The following CPXM2 variants were observed in gnomAD, a reference collection of about 807,000 sequenced individuals.
The protein encoded by CPXM2 is inactive carboxypeptidase-like protein X2.
Under a neutral mutation model 86.1 loss-of-function variants are expected in CPXM2, and 66 were observed. That is an observed-to-expected ratio of 0.77 (90% CI 0.63 to 0.94). The LOEUF (loss-of-function observed/expected upper bound fraction) is 0.94. CPXM2 is among the 40% of genes least tolerant of loss of function. The probability of loss-of-function intolerance (pLI) is 0.00; values close to 1 mark genes in which losing one functional copy is unlikely to be tolerated. For missense variants in CPXM2, 948 were observed against 1,026.3 expected, an observed-to-expected ratio of 0.92 and a Z score of 1.04; for synonymous variants, 388 against 400.2, an observed-to-expected ratio of 0.97 and a Z score of 0.36.
At chr10:123,939,086 C>T (rs948895173) in intron 2 of CPXM2, among the ~76,000 whole-genome samples, 1 of 152,126 alleles carries the variant, frequency 6.6e-6, no homozygotes, top group Non-Finnish European at 1.5e-5. Context: ...GACATAAAGC[C>T]ACGAGAAGTG....
At chr10:123,913,966 A>T (rs761863401) in intron 2 of CPXM2, 29 of 473,902 alleles carry the variant, frequency 6.1e-5, no homozygotes, top group Admixed American at 1.3e-4. Flanking sequence ...GATGGACCAG[A>T]GTGAGCACCA....
intron 4 of CPXM2, among the ~76,000 whole-genome samples, chr10:123,819,410 G>A (rs562788306): frequency 2.0e-5 from 3 of 152,344 alleles, no homozygotes; most frequent in Non-Finnish European, 4.4e-5. Context: ...AGGGAATACA[G>A]AATGGGTAAT....
intron 4 of CPXM2, among the ~76,000 whole-genome samples, chr10:123,824,633 A>C (rs1848008505): frequency 6.6e-6 from 1 of 152,202 alleles, no homozygotes; most frequent in South Asian, 2.1e-4. Flanking sequence ...GGCATCCTGG[A>C]AAGATCAGGG....
intron 2 of CPXM2, chr10:123,913,881 C>T (rs562867540): frequency 9.9e-6 from 4 of 405,706 alleles, no homozygotes; most frequent in African/African-American, 6.1e-5. Context: ...GGAGGCACCC[C>T]CCTCCCAGGC....
At chr10:123,880,146 A>ACCCCCCCCC in intron 2 of CPXM2, 65 bp downstream of exon 2, 1 of 240,424 alleles carries the variant, frequency 4.2e-6, no homozygotes. Flanking sequence ...AGGGGCCTGT[A>ACCCCCCCCC]CCCACCCACC....
intron 2 of CPXM2, among the ~76,000 whole-genome samples, chr10:123,908,225 G>A (rs548603059): frequency 6.6e-6 from 1 of 152,168 alleles, no homozygotes; most frequent in South Asian, 2.1e-4. Context: ...GTGGCCGCAG[G>A]TGGGAAGGAG....
At chr10:123,776,248 C>G (rs1350885895) in intron 7 of CPXM2, among the ~76,000 whole-genome samples, 1 of 151,976 alleles carries the variant, frequency 6.6e-6, no homozygotes. Context: ...GAAAAGTCTC[C>G]CTAGGTGGGT....
chr10:123,757,208 T>C lies in CPXM2; in HGVS notation c.1917+5A>G. The C allele has an allele frequency of 6.2e-7, 1 of 1,613,780 alleles. No homozygotes were observed. The highest frequency in any genetic ancestry group is 1.1e-5 in the South Asian group (1 of 91,032). On this transcript the variant is annotated splice_donor_5th_base_variant and intron_variant, in intron 12 of 13. Coordinates refer to ENST00000241305, the MANE Select transcript of CPXM2 (RefSeq NM_198148.3). The stretch of plus-strand genomic sequence containing the variant: ...CCTCATCCCAGCCACACACCCGCAA[T>C]ATACCTGCTCCATGAACACGATCAG...
intron 7 of CPXM2, 124 bp downstream of exon 7, chr10:123,780,043 C>G (rs1564765312): frequency 1.0e-5 from 7 of 684,690 alleles, no homozygotes; most frequent in Non-Finnish European, 1.3e-5. Flanking sequence ...CTTCAGCAAA[C>G]CAAATGATCA....
upstream of CPXM2, among the ~76,000 whole-genome samples, chr10:123,943,209 C>T (rs143592038): frequency 2.6e-5 from 3 of 113,664 alleles, no homozygotes; most frequent in African/African-American, 7.2e-5. Flanking sequence ...TTGAACTGGT[C>T]GTACCATACT....
intron 3 of CPXM2, among the ~76,000 whole-genome samples, chr10:123,857,571 G>A (rs908044149): frequency 1.5e-5 from 2 of 130,496 alleles, no homozygotes; most frequent in East Asian, 2.8e-4. Flanking sequence ...GATGGAAGGC[G>A]GCGTGGAGAT....
chr10:123,925,137 G>A (rs1334608236), intron 2 of CPXM2, among the ~76,000 whole-genome samples: 1 of 152,060 alleles, frequency 6.6e-6, no homozygotes, highest in African/African-American at 2.4e-5. Flanking sequence ...ACAGAGGGGT[G>A]GGAAGGGAGG....
intron 4 of CPXM2, among the ~76,000 whole-genome samples, chr10:123,814,523 T>C (rs1199873781): frequency 6.6e-6 from 1 of 152,142 alleles, no homozygotes; most frequent in African/African-American, 2.4e-5. Flanking sequence ...ATCCTATTAG[T>C]TCTGTCCCTC....
In CPXM2 at chr10:123,904,924, TA is replaced by T. The variant is rs146531265; in HGVS notation, n.175-24616del. ...CGAGCTCTGCATCACACCTGCATCC[TA>T]GTGAGGGATCAGCCTCCTGTGCTCT... is the stretch of plus-strand genomic sequence containing the variant. On this transcript the variant is annotated intron_variant and non_coding_transcript_variant, in intron 2 of 19. Coordinates refer to the CPXM2 transcript ENST00000368854. Among the ~76,000 whole-genome samples the T allele has an allele frequency of 2.3e-3, 299 of 130,236 alleles. 6 individuals are homozygous for T. Among genetic ancestry groups the T allele is most frequent in the South Asian group, 3.3e-3 (12 of 3,658 alleles). The allele number at this position is 130,236 out of a possible 152,430, so 85.4% of individuals were successfully genotyped here.
upstream of CPXM2, among the ~76,000 whole-genome samples, chr10:123,941,513 T>C (rs1393233473): frequency 6.6e-6 from 1 of 152,242 alleles, no homozygotes; most frequent in African/African-American, 2.4e-5. Flanking sequence ...ATTTAACTAA[T>C]TACATCTGTT....
chr10:123,930,678 C>T (rs1945660388), intron 2 of CPXM2, among the ~76,000 whole-genome samples: 1 of 152,244 alleles, frequency 6.6e-6, no homozygotes, highest in South Asian at 2.1e-4. Context: ...CATAACACTC[C>T]TGAGAGCTGC....
At chr10:123,761,066 G>A (rs1846324121) in intron 11 of CPXM2, among the ~76,000 whole-genome samples, 1 of 152,212 alleles carries the variant, frequency 6.6e-6, no homozygotes, top group Non-Finnish European at 1.5e-5. Flanking sequence ...TTAGGGAACA[G>A]CCCTGAGACA....
intron 2 of CPXM2, 58 bp downstream of exon 2, chr10:123,880,153 C>A: frequency 8.4e-6 from 3 of 358,122 alleles, no homozygotes; most frequent in Admixed American, 3.5e-5. Flanking sequence ...TGTACCCACC[C>A]ACCCTCCCTG....
At chr10:123,751,409 C>T in intron 13 of CPXM2, 2 of 594,554 alleles carry the variant, frequency 3.4e-6, no homozygotes, top group Non-Finnish European at 4.2e-6. Context: ...CTTTGCCCTT[C>T]CGAAGTTTTG....
Sources: gnomAD v4.1 joint callset for allele counts (sites outside exome capture counted in the v4.1 genomes callset) on GRCh38, gnomAD v4.1.1 for gene constraint, MANE v1.5 for transcripts, NCBI Gene and HGNC (gene_info 2026-07-23, HGNC 2026-07-21) for gene names.